Variants in CAMKMT observed in about 807,000 individuals in gnomAD.
CAMKMT encodes the protein calmodulin-lysine N-methyltransferase.
A neutral mutation model predicts 48.0 loss-of-function variants in CAMKMT; 53 were observed. The ratio of observed to expected loss-of-function variants is 1.10; its 90% CI spans 0.89 to 1.39. CAMKMT has a LOEUF of 1.39. Among genes scored for constraint, CAMKMT ranks in the 40% most tolerant of loss-of-function variants. The probability of loss-of-function intolerance (pLI) is 0.00; values close to 1 mark genes in which losing one functional copy is unlikely to be tolerated. For missense variants in CAMKMT, 428 were observed against 402.7 expected, an observed-to-expected ratio of 1.06 and a Z score of -0.54; for synonymous variants, 165 against 152.3, an observed-to-expected ratio of 1.08 and a Z score of -0.61.
intron 3 of CAMKMT, among the ~76,000 whole-genome samples, chr2:44,494,330 T>C (rs1215736166): frequency 4.6e-5 from 7 of 152,188 alleles, no homozygotes; most frequent in Non-Finnish European, 7.4e-5. Context: ...TTGTGTCCTC[T>C]TGAGATTTTG....
intron 6 of CAMKMT, 94 bp downstream of exon 6, chr2:44,707,556 T>A: frequency 2.0e-6 from 2 of 1,006,994 alleles, no homozygotes; most frequent in Non-Finnish European, 3.0e-6. Context: ...CATGGGGTAT[T>A]AAAAGAGAGT....
At chr2:44,362,921 T>C (rs1447769658) in intron 1 of CAMKMT, among the ~76,000 whole-genome samples, 1 of 152,242 alleles carries the variant, frequency 6.6e-6, no homozygotes, top group Non-Finnish European at 1.5e-5. Flanking sequence ...TTATTGTTTT[T>C]GCATAGCAGT....
chr2:44,451,818 AT>A (rs748950865), intron 3 of CAMKMT, among the ~76,000 whole-genome samples: 27 of 151,910 alleles, frequency 1.8e-4, no homozygotes, highest in Admixed American at 9.9e-4. Context: ...TCTCTTTCAC[AT>A]TTGCTGTATG....
intron 3 of CAMKMT, among the ~76,000 whole-genome samples, chr2:44,610,019 G>A (rs77284812): frequency 0.014 from 2,147 of 152,264 alleles, 47 homozygotes; most frequent in African/African-American, 0.049. Context: ...GGCATTGACT[G>A]TCAAGAAAAT....
chr2:44,667,381 G>A (rs972769873), intron 3 of CAMKMT, among the ~76,000 whole-genome samples: 11 of 152,172 alleles, frequency 7.2e-5, no homozygotes, highest in African/African-American at 2.7e-4. Flanking sequence ...AGCTGAAGAG[G>A]TTTCTTTCAT....
intron 2 of CAMKMT, among the ~76,000 whole-genome samples, chr2:44,376,447 G>A (rs1679706668): frequency 6.6e-6 from 1 of 151,654 alleles, no homozygotes. Flanking sequence ...ATAGACACTG[G>A]GGATGTTACA....
intron 3 of CAMKMT, among the ~76,000 whole-genome samples, chr2:44,459,423 A>G (rs1361503038): frequency 6.6e-6 from 1 of 152,190 alleles, no homozygotes; most frequent in African/African-American, 2.4e-5. Flanking sequence ...TCTTGTTACC[A>G]TTAAATGTAA....
chr2:44,410,330 C>T (rs1251301045), intron 3 of CAMKMT, among the ~76,000 whole-genome samples: 1 of 121,160 alleles, frequency 8.3e-6, no homozygotes, highest in Non-Finnish European at 1.7e-5. Flanking sequence ...GATCTTGGCT[C>T]ACTGCAGGCT....
At chr2:44,428,650 A>T (rs1483610383) in intron 3 of CAMKMT, among the ~76,000 whole-genome samples, 1 of 152,054 alleles carries the variant, frequency 6.6e-6, no homozygotes, top group Admixed American at 6.5e-5. Flanking sequence ...TTTTTCTTGA[A>T]TTTTTGTATG....
chr2:44,647,501 C>G (rs1244488070), intron 3 of CAMKMT, among the ~76,000 whole-genome samples: 2 of 152,098 alleles, frequency 1.3e-5, no homozygotes, highest in Non-Finnish European at 2.9e-5. Context: ...TTGTAGAGAC[C>G]AAGCAGTGAA....
intron 10 of CAMKMT, among the ~76,000 whole-genome samples, chr2:44,768,361 A>ATATATATATATATATATT (rs35058824): frequency 6.9e-5 from 8 of 115,728 alleles, no homozygotes; most frequent in African/African-American, 3.0e-4. Flanking sequence ...ATATATATAT[A>ATATATATATATATATATT]TTTTTTTTTT....
chr2:44,766,319 C>A, intron 9 of CAMKMT, 111 bp from the exon 10 acceptor site: 1 of 1,159,414 alleles, frequency 8.6e-7, no homozygotes, highest in Non-Finnish European at 1.3e-6. Context: ...ATCTCAAGAA[C>A]AATTGAGTTT....
At chr2:44,519,919 T>A (rs1225571392) in intron 3 of CAMKMT, among the ~76,000 whole-genome samples, 1 of 151,996 alleles carries the variant, frequency 6.6e-6, no homozygotes, top group East Asian at 1.9e-4. Context: ...TTTTTAAATT[T>A]TAGTTGAGAT....
chr2:44,412,440 A>G (rs1683272824), intron 3 of CAMKMT, among the ~76,000 whole-genome samples: 1 of 152,222 alleles, frequency 6.6e-6, no homozygotes. Context: ...GGTTCAAGCA[A>G]TTCTCCTGCC....
chr2:44,689,347 G>T, intron 3 of CAMKMT, among the ~76,000 whole-genome samples: 1 of 150,984 alleles, frequency 6.6e-6, no homozygotes, highest in East Asian at 1.9e-4. Context: ...TGCCCAGGCT[G>T]GAGTGCAGTG....
At chr2:44,753,331 G>C (rs1217711909) in intron 8 of CAMKMT, among the ~76,000 whole-genome samples, 2 of 150,944 alleles carry the variant, frequency 1.3e-5, no homozygotes, top group Non-Finnish European at 3.0e-5. Flanking sequence ...GGAGGCTGGG[G>C]TGGGAGGATT....
At chr2:44,388,136 A>G (rs958383979) in intron 2 of CAMKMT, among the ~76,000 whole-genome samples, 1 of 152,070 alleles carries the variant, frequency 6.6e-6, no homozygotes, top group African/African-American at 2.4e-5. Flanking sequence ...TTCCTCAGGA[A>G]CACCGATTAT....
intron 7 of CAMKMT, among the ~76,000 whole-genome samples, chr2:44,721,414 C>T (rs146755495): frequency 6.6e-6 from 1 of 152,116 alleles, no homozygotes; most frequent in African/African-American, 2.4e-5. Flanking sequence ...CAAATCATAT[C>T]AAAAGGTTTC....
chr2:44,531,314 CACA>C (rs1415185978), intron 3 of CAMKMT, among the ~76,000 whole-genome samples: 3 of 152,078 alleles, frequency 2.0e-5, no homozygotes, highest in Admixed American at 6.5e-5. Flanking sequence ...GCTCTACTTA[CACA>C]ACGTTTTATG....
Sources: gnomAD v4.1 joint callset for allele counts (sites outside exome capture counted in the v4.1 genomes callset) on GRCh38, gnomAD v4.1.1 for gene constraint, MANE v1.5 for transcripts, NCBI Gene and HGNC (gene_info 2026-07-23, HGNC 2026-07-21) for gene names.